ADAMTS19: variants seen among roughly 807,000 people sequenced by gnomAD.
ADAMTS19 encodes the protein A disintegrin and metalloproteinase with thrombospondin motifs 19.
In ADAMTS19, 93 loss-of-function variants were observed where a neutral mutation model predicts 153.3. The observed-to-expected ratio is 0.61, with a 90% CI of 0.51 to 0.72. The LOEUF is 0.72. ADAMTS19 is among the 30% of genes least tolerant of loss of function. The pLI, the probability that ADAMTS19 is intolerant of heterozygous loss-of-function variation, is 0.00. For missense variants in ADAMTS19, 1,482 were observed against 1,552.1 expected, an observed-to-expected ratio of 0.95 and a Z score of 0.76; for synonymous variants, 600 against 556.6, an observed-to-expected ratio of 1.08 and a Z score of -1.10.
chr5:129,721,845 A>G (rs1357780170), intron 21 of ADAMTS19, among the ~76,000 whole-genome samples: 1 of 152,178 alleles, frequency 6.6e-6, no homozygotes, highest in Non-Finnish European at 1.5e-5. Context: ...GAGTCAGAAC[A>G]TGCAGTGTTT....
chr5:129,647,091 T>C (rs147456723), intron 11 of ADAMTS19, among the ~76,000 whole-genome samples: 9 of 151,708 alleles, frequency 5.9e-5, no homozygotes, highest in African/African-American at 2.2e-4. Flanking sequence ...TACCAGTTAA[T>C]AGATACCAAG....
In ADAMTS19 at chr5:129,461,344, C is replaced by T. The variant is rs970237752; in HGVS notation, c.334C>T (p.Pro112Ser). 28 of 1,333,832 alleles carry T rather than the reference C, an allele frequency of 2.1e-5. No homozygotes were observed. The Middle Eastern group carries it at 1.1e-3, about 53-fold the overall frequency. 82.6% of individuals were successfully genotyped at this position (1,333,832 alleles called of 1,614,324 possible). ...CCGATCAGAGTCCCGGCTCCGGCCC[C>T]CGCCGCCGTCGGAGGGTGAGGAGGA... is the stretch of plus-strand genomic sequence containing the variant. ...EGRSESRLRP[P>S]PPSEGEEDEE... The change falls in exon 2 of 23, where the codon CCG becomes TCG. Residue 112 changes from proline to serine, a missense_variant. By Grantham distance (74) the Pro-to-Ser change is moderately conservative. Transcript: ENST00000274487. This position sits in a 1 kb window ranked among gnomAD's most constrained non-coding sequence, Gnocchi z 4.6.
intron 6 of ADAMTS19, among the ~76,000 whole-genome samples, chr5:129,539,690 G>T (rs1232277179): frequency 6.6e-6 from 1 of 152,036 alleles, no homozygotes; most frequent in African/African-American, 2.4e-5. Flanking sequence ...TGCTGTTAGA[G>T]AAAATGTTCT....
Position 129,684,218 on chromosome 5 carries a change from C to T in ADAMTS19, c.2763C>T (p.Pro921=), listed in dbSNP as rs369387815. Residue 921 remains proline, a synonymous_variant, in exon 18 of 23, where the codon CCC becomes CCT. Coordinates refer to ENST00000274487, the MANE Select transcript of ADAMTS19 (RefSeq NM_133638.6). ...PENQSSKAPE[P]LFMWTHTSWE... is the part of the protein sequence containing the mutation. ...ACCAGAGCTCTAAAGCACCTGAGCC[C>T]CTCTTCATGTGGACACACACAAGCT... 6.2e-7 allele frequency: 1 copy of T among 1,614,180 alleles called. No homozygotes were observed. The highest frequency in any genetic ancestry group is 1.3e-5 in the African/African-American group (1 of 75,044).
At chr5:129,527,625 T>C (rs1458373715) in intron 4 of ADAMTS19, 123 bp from the exon 5 acceptor site, 2 of 295,066 alleles carry the variant, frequency 6.8e-6, no homozygotes, top group African/African-American at 4.8e-5. Context: ...GCTTTTTTTT[T>C]TTTTTTTTAA....
chr5:129,701,534 C>T lies in ADAMTS19; in HGVS notation c.3101C>T (p.Ala1034Val), dbSNP rs780577369. The change falls in exon 20 of 23, where the codon GCC (alanine) becomes GTC (valine). Residue 1034 changes from alanine (A) to valine (V), a missense_variant. By Grantham distance (64) the Ala-to-Val change is moderately conservative. Transcript: ENST00000274487. ...TGCATTGGGCCCAAGCCCGCCTCTG[C>T]CCAGCGCTGTGAGGGCCAGGACTGC... is the stretch of plus-strand genomic sequence containing the variant. The part of the protein sequence containing the change: ...RDCIGPKPAS[A>V]QRCEGQDCMT... 7 of 1,614,186 alleles carry T rather than the reference C, an allele frequency of 4.3e-6. No individual in the cohort carries two copies. The East Asian group carries it at 1.6e-4, about 36-fold the overall frequency.
intron 2 of ADAMTS19, among the ~76,000 whole-genome samples, chr5:129,498,187 T>C (rs1050628457): frequency 2.0e-5 from 3 of 152,096 alleles, no homozygotes; most frequent in Non-Finnish European, 4.4e-5. Context: ...AATGACACCA[T>C]TATTTATTGC....
intron 9 of ADAMTS19, among the ~76,000 whole-genome samples, chr5:129,621,293 T>G (rs1751765640): frequency 6.6e-6 from 1 of 152,174 alleles, no homozygotes; most frequent in Non-Finnish European, 1.5e-5. Flanking sequence ...TCATTTTCAT[T>G]TTAAAGCACT....
At chr5:129,599,482 G>T (rs1054463383) in intron 8 of ADAMTS19, among the ~76,000 whole-genome samples, 3 of 152,066 alleles carry the variant, frequency 2.0e-5, no homozygotes, top group African/African-American at 7.2e-5. Context: ...ATTTTGTCAA[G>T]TACCCTGAAT....
chr5:129,569,282 A>C (rs1306602912), intron 7 of ADAMTS19, among the ~76,000 whole-genome samples: 1 of 152,152 alleles, frequency 6.6e-6, no homozygotes, highest in Non-Finnish European at 1.5e-5. Context: ...AACCAAAAAG[A>C]TATAGTAGTT....
At chr5:129,563,902 A>T (rs779864210) in intron 7 of ADAMTS19, among the ~76,000 whole-genome samples, 5 of 152,100 alleles carry the variant, frequency 3.3e-5, no homozygotes, top group Non-Finnish European at 5.9e-5. Context: ...TTACTTTAAG[A>T]CATGGAGATC....
intron 8 of ADAMTS19, among the ~76,000 whole-genome samples, chr5:129,617,890 G>T (rs1368256102): frequency 6.6e-6 from 1 of 151,960 alleles, no homozygotes; most frequent in Non-Finnish European, 1.5e-5. Flanking sequence ...ATCTGTTTAT[G>T]TATCTTTTGA....
At chr5:129,681,854 A>G in intron 17 of ADAMTS19, among the ~76,000 whole-genome samples, 1 of 152,326 alleles carries the variant, frequency 6.6e-6, no homozygotes, top group African/African-American at 2.4e-5. Flanking sequence ...GAGAAAATAA[A>G]ATGAAGAAAC....
At chr5:129,685,272 C>T (rs1374892876) in intron 18 of ADAMTS19, among the ~76,000 whole-genome samples, 1 of 151,668 alleles carries the variant, frequency 6.6e-6, no homozygotes, top group Non-Finnish European at 1.5e-5. Flanking sequence ...GAGAGAGAAG[C>T]TATTAGAGGA....
At chr5:129,476,423 G>A (rs530559148) in intron 2 of ADAMTS19, among the ~76,000 whole-genome samples, 3 of 151,956 alleles carry the variant, frequency 2.0e-5, no homozygotes, top group East Asian at 2.0e-4. Flanking sequence ...CTACTGCTAT[G>A]AGAAAGACCA....
chr5:129,626,319 T>C (rs936441607), intron 10 of ADAMTS19, among the ~76,000 whole-genome samples: 6 of 152,270 alleles, frequency 3.9e-5, no homozygotes, highest in African/African-American at 1.4e-4. Flanking sequence ...ATAGCACCTA[T>C]ACTATCAGTT....
chr5:129,542,131 C>G (rs1048172283), intron 6 of ADAMTS19, among the ~76,000 whole-genome samples: 1 of 151,932 alleles, frequency 6.6e-6, no homozygotes, highest in Admixed American at 6.6e-5. Flanking sequence ...TATTTTGATT[C>G]GATATTCTCA....
intron 7 of ADAMTS19, among the ~76,000 whole-genome samples, chr5:129,552,975 C>T (rs534062269): frequency 4.8e-4 from 73 of 152,086 alleles, no homozygotes; most frequent in African/African-American, 1.7e-3. Flanking sequence ...TAAGGAAAAG[C>T]GGAATTGATG....
At chr5:129,553,882 T>A (rs1753222020) in intron 7 of ADAMTS19, among the ~76,000 whole-genome samples, 1 of 152,176 alleles carries the variant, frequency 6.6e-6, no homozygotes, top group Non-Finnish European at 1.5e-5. Context: ...TGGAGTCATA[T>A]ACAGTCAGCC....
Sources: allele counts gnomAD v4.1 joint callset (sites outside exome capture counted in the v4.1 genomes callset), GRCh38; gene constraint gnomAD v4.1.1; non-coding constraint Gnocchi (gnomAD v3.1); transcripts MANE v1.5; gene names NCBI Gene and HGNC (gene_info 2026-07-23, HGNC 2026-07-21).